Variants in SDHA observed in about 807,000 individuals in gnomAD.
SDHA encodes the protein succinate dehydrogenase [ubiquinone] flavoprotein subunit, mitochondrial.
A neutral mutation model predicts 78.4 loss-of-function variants in SDHA; 48 were observed. The observed-to-expected ratio is 0.61, with a 90% CI of 0.49 to 0.78. The LOEUF (loss-of-function observed/expected upper bound fraction) is 0.78, where lower values mean the gene tolerates loss of function less well. Among genes scored for constraint, SDHA ranks in the 30% least tolerant of loss-of-function variants. The probability of loss-of-function intolerance (pLI) is 0.00; values close to 1 mark genes in which losing one functional copy is unlikely to be tolerated. For synonymous variants in SDHA, 326 were observed against 353.9 expected (o/e 0.92, Z 0.88); for missense variants, 680 against 892.7 (o/e 0.76, Z 3.04).
At chr5:254,170 C>T (rs1347332342) in intron 13 of SDHA, among the ~76,000 whole-genome samples, 3 of 147,380 alleles carry the variant, frequency 2.0e-5, no homozygotes, top group African/African-American at 5.1e-5. Context: ...AGGGAACATG[C>T]GGACATGGAT....
At chr5:264,734 G>T in the SDHA span, among the ~76,000 whole-genome samples, 1 of 152,174 alleles carries the variant, frequency 6.6e-6, no homozygotes, top group Admixed American at 6.5e-5. Flanking sequence ...TCAGAGCATC[G>T]CCAGAACGCA....
chr5:251,745 G>A (rs1440210128), intron 13 of SDHA: 1 of 1,400,262 alleles, frequency 7.1e-7, no homozygotes, highest in Non-Finnish European at 9.4e-7. Flanking sequence ...TAGAAGTGCA[G>A]CTAGAGTGGC....
chr5:226,031 A>G lies in SDHA; in HGVS notation c.605A>G (p.His202Arg). 1 of 1,614,204 alleles carries G rather than the reference A, an allele frequency of 6.2e-7. No homozygotes were observed. The highest frequency in any genetic ancestry group is 8.5e-7 in the Non-Finnish European group (1 of 1,180,036). ...VADRTGHSLL[H>R]TLYGRSLRYD... The stretch of plus-strand genomic sequence containing the variant: ...GATCGGACTGGCCACTCGCTATTGC[A>G]CACCTTATATGGAAGGGTAAGGCCG... The change falls in exon 5 of 15, where the codon CAC becomes CGC. Residue 202 changes from histidine (H) to arginine (R), a missense_variant. Physicochemically the swap from His to Arg is conservative, Grantham distance 29. Transcript: ENST00000264932.
intron 10 of SDHA, among the ~76,000 whole-genome samples, chr5:238,491 T>G (rs540617762): frequency 2.4e-4 from 36 of 151,760 alleles, no homozygotes; most frequent in Non-Finnish European, 4.3e-4. Context: ...GCCCAGGCTG[T>G]AGTGCAGTGG....
At chr5:226,381 C>T (rs960603698) in intron 5 of SDHA, among the ~76,000 whole-genome samples, 39 of 152,304 alleles carry the variant, frequency 2.6e-4, no homozygotes, top group African/African-American at 8.2e-4. Context: ...TCTGTAATCC[C>T]AGCACTTTAG....
chr5:254,650 G>GGCACTCCGACA (rs1293704409), intron 14 of SDHA, 144 bp downstream of exon 14: 17 of 1,385,668 alleles, frequency 1.2e-5, no homozygotes, highest in Non-Finnish European at 1.7e-5. Flanking sequence ...CGCTGAAAAA[G>GGCACTCCGACA]GCACTCCGAC....
intron 10 of SDHA, among the ~76,000 whole-genome samples, chr5:238,613 T>A (rs1159542578): frequency 6.6e-6 from 1 of 152,116 alleles, no homozygotes; most frequent in Non-Finnish European, 1.5e-5. Flanking sequence ...CAAGTGTTCC[T>A]CCTGTCTCAG....
chr5:236,408 T>G lies in SDHA; in HGVS notation c.1261-20T>G. On this transcript the variant is annotated intron_variant, in intron 9 of 14. Transcript: ENST00000264932. ...GGCATGGGCACCTTGACATTTCACCTGAAATCTTCCTTTCCACAGGTCCTG... is the reference window on the plus strand; with the variant it reads ...GGCATGGGCACCTTGACATTTCACCGGAAATCTTCCTTTCCACAGGTCCTG... 6.2e-7 allele frequency: 1 copy of G among 1,612,326 alleles called. No homozygotes were observed. The highest frequency in any genetic ancestry group is 8.5e-7 in the Non-Finnish European group (1 of 1,178,730).
At chr5:224,956 T>G in intron 3 of SDHA, 1 of 332,284 alleles carries the variant, frequency 3.0e-6, no homozygotes, top group Non-Finnish European at 5.7e-6. Flanking sequence ...CAAAGGAAGC[T>G]GGGGTACAGG....
intron 10 of SDHA, among the ~76,000 whole-genome samples, chr5:239,530 C>T (rs1736007735): frequency 6.7e-6 from 1 of 150,320 alleles, no homozygotes; most frequent in African/African-American, 2.4e-5. Context: ...GACTGCACTC[C>T]AACCTGGGCT....
At chr5:233,425 G>T in intron 7 of SDHA, 52 bp from the exon 8 acceptor site, 2 of 1,587,802 alleles carry the variant, frequency 1.3e-6, no homozygotes, top group South Asian at 1.1e-5. Flanking sequence ...TAATGCATTT[G>T]AAATAGAGAT....
At chr5:239,773 A>AT (rs113918084) in intron 10 of SDHA, among the ~76,000 whole-genome samples, 32,734 of 144,062 alleles carry the variant, frequency 0.23, 5,429 homozygotes, top group African/African-American at 0.47. Flanking sequence ...TATACATTTA[A>AT]TTTTTTTTTT....
At chr5:257,504 G>C (rs1438412969), downstream of SDHA, among the ~76,000 whole-genome samples, 1 of 86,522 alleles carries the variant, frequency 1.2e-5, no homozygotes, top group Non-Finnish European at 3.1e-5. Context: ...GAGCGTTACC[G>C]TGAGCTCCGC....
At chr5:247,025 C>T (rs1221056113) in intron 11 of SDHA, among the ~76,000 whole-genome samples, 2 of 152,142 alleles carry the variant, frequency 1.3e-5, no homozygotes, top group Admixed American at 1.3e-4. Context: ...ATTGGATTCT[C>T]CCTAAAATAA....
At chr5:263,009 G>A in the SDHA span, among the ~76,000 whole-genome samples, 2 of 151,892 alleles carry the variant, frequency 1.3e-5, no homozygotes, top group Admixed American at 1.3e-4. Context: ...CTGTGATCTC[G>A]GCTCACTGCA....
At chr5:263,920 T>C in the SDHA span, among the ~76,000 whole-genome samples, 1 of 152,178 alleles carries the variant, frequency 6.6e-6, no homozygotes, top group Non-Finnish European at 1.5e-5. Context: ...CACGCCTAAA[T>C]ATGTTTGCAA....
rs1734941214 is a variant in SDHA, at chr5:225,295, CTCACTGGGAG to C, written c.313-117_313-108del. ...CGCTGCTCCTCTGCTGAGGTCAGCC[CTCACTGGGAG>C]TCACTGTGTGAGTAGTTGGCTTTCT... is the stretch of plus-strand genomic sequence containing the variant. On this transcript the variant is annotated intron_variant, in intron 3 of 14. Transcript: ENST00000264932. 3.1e-6 allele frequency: 4 copies of C among 1,271,230 alleles called. No individual in the cohort carries two copies. The East Asian group carries it at 9.2e-5, about 29-fold the overall frequency. The allele number at this position is 1,271,230 out of a possible 1,614,324, so 78.7% of individuals were successfully genotyped here.
intron 11 of SDHA, among the ~76,000 whole-genome samples, chr5:244,698 G>A (rs1453825565): frequency 6.6e-6 from 1 of 152,168 alleles, no homozygotes; most frequent in East Asian, 1.9e-4. Flanking sequence ...TAACATAGTT[G>A]GAGTTGGTAA....
the SDHA span, among the ~76,000 whole-genome samples, chr5:267,310 G>A: frequency 5.3e-5 from 8 of 152,174 alleles, no homozygotes; most frequent in East Asian, 1.9e-4. Context: ...ATTCTATGGC[G>A]GGAATCTGGA....
Sources: allele counts gnomAD v4.1 joint callset (sites outside exome capture counted in the v4.1 genomes callset), GRCh38; gene constraint gnomAD v4.1.1; transcripts MANE v1.5; gene names NCBI Gene and HGNC (gene_info 2026-07-23, HGNC 2026-07-21).